WNT4: variants seen among roughly 807,000 people sequenced by gnomAD.
The protein encoded by WNT4 is protein Wnt-4.
In WNT4, 16 loss-of-function variants were observed where a neutral mutation model predicts 34.5. The ratio of observed to expected loss-of-function variants is 0.46; its 90% CI spans 0.31 to 0.70. The LOEUF (loss-of-function observed/expected upper bound fraction) is 0.70, where lower values mean the gene tolerates loss of function less well. WNT4 is among the 30% of genes least tolerant of loss of function. The pLI is 0.04. For missense variants in WNT4, 379 were observed against 495.9 expected (o/e 0.76, Z 2.24); for synonymous variants, 200 against 211.9 (o/e 0.94, Z 0.49).
intron 4 of WNT4, 43 bp from the exon 5 acceptor site, chr1:22,120,560 A>C: frequency 6.4e-7 from 1 of 1,562,938 alleles, no homozygotes; most frequent in Non-Finnish European, 8.7e-7. Flanking sequence ...GGAGATGGCA[A>C]GGGAAGGCAG....
rs536242714 is a variant in WNT4, at chr1:22,120,796, G to A, written c.589-279C>T. On this transcript the variant is annotated intron_variant, in intron 4 of 4. Transcript: ENST00000290167. The stretch of plus-strand genomic sequence containing the variant: ...AACAGTGAGTGACAGGTGTGGGGTG[G>A]GGAGAACACTGCTGCATTTAACCTC... Among the ~76,000 whole-genome samples the A allele has an allele frequency of 3.9e-5, 6 of 152,278 alleles. No homozygotes were observed. The East Asian group carries it at 9.7e-4, about 25-fold the overall frequency.
rs773017831 is a variant in WNT4, at chr1:22,119,999, C to T, written c.*51G>A. 84 of 1,586,258 alleles carry T rather than the reference C, an allele frequency of 5.3e-5. 1 individual carries two copies. In the South Asian group the frequency reaches 7.4e-4, roughly 14 times the overall value. On this transcript the variant is annotated 3_prime_UTR_variant, in exon 5 of 5. Coordinates refer to ENST00000290167, the MANE Select transcript of WNT4 (RefSeq NM_030761.5). ...GGTGGTGGGAGACTGTTTAAATTAT[C>T]GGCCTTCCCTGGGCCACTAGGTGGT...
In WNT4 at chr1:22,119,413, G is replaced by A. The variant is rs548877219; in HGVS notation, c.*637C>T. On this transcript the variant is annotated 3_prime_UTR_variant, in exon 5 of 5. Coordinates refer to ENST00000290167, the MANE Select transcript of WNT4 (RefSeq NM_030761.5). ...TGGGTTCTAGGGTGGGACTTCAGTC[G>A]TCTCTTGCTCTCATCTCCCTCTTCT... 1.9e-5 allele frequency: 3 copies of A among 155,766 alleles called. No homozygotes were observed. Among genetic ancestry groups the A allele is most frequent in the East Asian group, 1.9e-4 (1 of 5,216 alleles). The allele number at this position is 155,766 out of a possible 1,614,324, so 9.6% of individuals were successfully genotyped here.
At chr1:22,129,014 C>T (rs1645961881) in intron 2 of WNT4, among the ~76,000 whole-genome samples, 1 of 152,220 alleles carries the variant, frequency 6.6e-6, no homozygotes, top group Non-Finnish European at 1.5e-5. Flanking sequence ...GCTGCCGCGC[C>T]CAGCTGGCTC....
chr1:22,135,969 T>C (rs1646018741), intron 1 of WNT4, among the ~76,000 whole-genome samples: 1 of 152,178 alleles, frequency 6.6e-6, no homozygotes, highest in African/African-American at 2.4e-5. Flanking sequence ...GTGCCCTCAT[T>C]TTCTGACTCT....
chr1:22,130,500 T>C (rs1267926521), intron 1 of WNT4, among the ~76,000 whole-genome samples: 3 of 152,240 alleles, frequency 2.0e-5, no homozygotes, highest in Admixed American at 2.0e-4. Context: ...AAGTGCAGCA[T>C]GCTCTCCCTC....
Position 22,120,366 on chromosome 1 carries a change from C to T in WNT4, c.740G>A (p.Arg247His), listed in dbSNP as rs376932793. ...KFDGATEVEP[R>H]RVGSSRALVP... is the part of the protein sequence containing the mutation. The stretch of plus-strand genomic sequence containing the variant: ...CAGTGCCCTGGAGGAGCCCACGCGG[C>T]GTGGCTCCACCTCAGTGGCACCATC... The change falls in exon 5 of 5, where the codon CGC becomes CAC. Residue 247 changes from arginine (R) to histidine (H), a missense_variant. Arg to His is a conservative substitution (Grantham distance 29, BLOSUM62 0). Around this residue, in one of 2 missense-constraint regions of WNT4, gnomAD observed 313 missense variants for 445.8 expected, o/e 0.70. Coordinates refer to ENST00000290167, the MANE Select transcript of WNT4 (RefSeq NM_030761.5). 8.7e-6 allele frequency: 14 copies of T among 1,614,212 alleles called. No individual in the cohort carries two copies. Among genetic ancestry groups the T allele is most frequent in the East Asian group, 2.2e-5 (1 of 44,882 alleles).
chr1:22,137,180 G>T lies in WNT4; in HGVS notation c.77+5666C>A, dbSNP rs1646028647. Among the ~76,000 whole-genome samples, 1 of 152,188 alleles carries T rather than the reference G, an allele frequency of 6.6e-6. No homozygotes were observed. Among genetic ancestry groups the T allele is most frequent in the African/African-American group, 2.4e-5 (1 of 41,446 alleles). ...CAGACCAGGTCCCCTCCTCTGCGGG[G>T]TCTGACTTGGCAGGGAACTTTCAGA... On this transcript the variant is annotated intron_variant, in intron 1 of 4. Coordinates refer to ENST00000290167, the MANE Select transcript of WNT4 (RefSeq NM_030761.5). This position sits in a 1 kb window ranked among gnomAD's most constrained non-coding sequence, Gnocchi z 5.3.
At position 22,119,803 on chromosome 1, in the gene WNT4, A is replaced by G. The variant is rs1645878986; in HGVS notation, c.*247T>C. On this transcript the variant is annotated 3_prime_UTR_variant, in exon 5 of 5. Coordinates refer to ENST00000290167, the MANE Select transcript of WNT4 (RefSeq NM_030761.5). ...TGGTCAGTGGCAGCCACATGCGGGC[A>G]GCCAGCGGCACGAGCAAGGTCCCTT... 1.7e-6 allele frequency: 1 copy of G among 582,892 alleles called. No individual in the cohort carries two copies. The allele number at this position is 582,892 out of a possible 1,614,324, so 36.1% of individuals were successfully genotyped here.
In WNT4 at chr1:22,142,832, C is replaced by G. The variant is rs1029119099; in HGVS notation, c.77+14G>C. The G allele has an allele frequency of 3.3e-6, 4 of 1,196,276 alleles. No homozygotes were observed. The African/African-American group carries it at 6.6e-5, about 20-fold the overall frequency. 74.1% of individuals were successfully genotyped at this position (1,196,276 alleles called of 1,614,324 possible). On this transcript the variant is annotated intron_variant, in intron 1 of 4. Transcript: ENST00000290167. The surrounding 1 kb of genome is among the most constrained non-coding windows in gnomAD (Gnocchi z 6.0). ...CCGCCCCGCCCCGCCCCGCTCGGCC[C>G]CGGCCAGACTTACAGCCAGTTGCTC...
At chr1:22,126,389 C>T (rs1200026747) in intron 2 of WNT4, among the ~76,000 whole-genome samples, 2 of 152,208 alleles carry the variant, frequency 1.3e-5, no homozygotes, top group Non-Finnish European at 2.9e-5. Flanking sequence ...AAGGAGGACA[C>T]TGGGACTTAG....
chr1:22,140,296 G>A lies in WNT4; in HGVS notation c.77+2550C>T. The stretch of plus-strand genomic sequence containing the variant: ...GCAGCTTTTCAGTCGGACACCTCTG[G>A]CATTTACCAGCTGGGTGACTTGGGC... On this transcript the variant is annotated intron_variant, in intron 1 of 4. Transcript: ENST00000290167. This position sits in a 1 kb window ranked among gnomAD's most constrained non-coding sequence, Gnocchi z 5.9. The A allele has an allele frequency of 1.0e-6, 1 of 985,314 alleles. No homozygotes were observed. Among genetic ancestry groups the A allele is most frequent in the Non-Finnish European group, 1.2e-6 (1 of 829,796 alleles). The allele number at this position is 985,314 out of a possible 1,614,324, so 61.0% of individuals were successfully genotyped here.
rs368885409 is a variant in WNT4 at position 22,120,231 on chromosome 1, C to G, written c.875G>C (p.Arg292Thr). The change falls in exon 5 of 5, where the codon AGG (arginine) becomes ACG (threonine). Residue 292 changes from arginine (R) to threonine (T), a missense_variant. Physicochemically the swap from Arg to Thr is moderately conservative, Grantham distance 71. This residue lies in a region of WNT4 where 313 missense variants were observed against 445.8 expected (regional missense o/e 0.70). Coordinates refer to ENST00000290167, the MANE Select transcript of WNT4 (RefSeq NM_030761.5). The part of the protein sequence containing the change: ...QDMRSGVLGT[R>T]GRTCNKTSKA... ...GGACGTCTTGTTGCATGTGCGGCCC[C>G]TCGTGCCCAGCACGCCGCTGCGCAT... 538 of 1,614,020 alleles carry G rather than the reference C, an allele frequency of 3.3e-4. No homozygotes were observed. Among genetic ancestry groups the G allele is most frequent in the Non-Finnish European group, 4.4e-4 (517 of 1,180,030 alleles).
chr1:22,129,583 G>C (rs1645966565), intron 2 of WNT4, 33 bp downstream of exon 2: 2 of 1,599,776 alleles, frequency 1.3e-6, no homozygotes, highest in East Asian at 4.5e-5. Context: ...GGCACCGCAG[G>C]CTCCCCTGCA....
intron 1 of WNT4, among the ~76,000 whole-genome samples, chr1:22,133,737 C>T (rs1035131181): frequency 2.0e-5 from 3 of 152,228 alleles, no homozygotes; most frequent in African/African-American, 7.2e-5. Context: ...CCAGACCGCC[C>T]CTGCTGCTGC....
intron 2 of WNT4, among the ~76,000 whole-genome samples, chr1:22,123,074 G>A (rs368205876): frequency 6.6e-6 from 1 of 152,210 alleles, no homozygotes; most frequent in African/African-American, 2.4e-5. Context: ...TGCTGTGGCC[G>A]CCCAAAGAGA....
Position 22,133,134 on chromosome 1 carries a change from C to T in WNT4, c.78-3283G>A, listed in dbSNP as rs539857394. ...AACTCTCAACTCTCTTTCCTCTGTA[C>T]CTGGCTGTGGATATGCCCCATTTAC... On this transcript the variant is annotated intron_variant, in intron 1 of 4. Coordinates refer to ENST00000290167, the MANE Select transcript of WNT4 (RefSeq NM_030761.5). 3.3e-5 allele frequency among the ~76,000 whole-genome samples: 5 copies of T among 152,264 alleles called. No homozygotes were observed. The East Asian group carries it at 7.7e-4, about 24-fold the overall frequency.
chr1:22,136,827 C>T (rs953110807), intron 1 of WNT4, among the ~76,000 whole-genome samples: 1 of 152,184 alleles, frequency 6.6e-6, no homozygotes, highest in African/African-American at 2.4e-5. Context: ...GACTGAGAAT[C>T]CCCAAGAACC....
At chr1:22,141,977 G>A (rs986474238) in intron 1 of WNT4, among the ~76,000 whole-genome samples, 1 of 152,166 alleles carries the variant, frequency 6.6e-6, no homozygotes, top group African/African-American at 2.4e-5. Flanking sequence ...GTTAAGCGCG[G>A]GGCATGGGGA....
Sources: allele counts gnomAD v4.1 joint callset (sites outside exome capture counted in the v4.1 genomes callset), GRCh38; gene constraint gnomAD v4.1.1; regional missense constraint gnomAD v4.1.1; non-coding constraint Gnocchi (gnomAD v3.1); transcripts MANE v1.5; gene names NCBI Gene and HGNC (gene_info 2026-07-23, HGNC 2026-07-21).